Variants in DACH1 observed in about 807,000 individuals in gnomAD.
The protein encoded by DACH1 is dachshund family transcription factor 1.
DACH1 carries 12 observed loss-of-function variants against 54.2 expected under a neutral mutation model. The ratio of observed to expected loss-of-function variants is 0.22; its 90% CI spans 0.14 to 0.36. DACH1 has a LOEUF of 0.36. Ranked by LOEUF, DACH1 falls within the 10% of genes least tolerant of loss-of-function variation. The pLI is 1.00. For missense variants in DACH1, 805 were observed against 929.8 expected, an observed-to-expected ratio of 0.87 and a Z score of 1.75; for synonymous variants, 386 against 366.2, an observed-to-expected ratio of 1.05 and a Z score of -0.62.
intron 1 of DACH1, among the ~76,000 whole-genome samples, chr13:71,809,777 GA>G (rs1164371743): frequency 6.6e-6 from 1 of 152,116 alleles, no homozygotes; most frequent in Non-Finnish European, 1.5e-5. Flanking sequence ...AGGTAGAAAG[GA>G]TGCAATGGAT....
intron 3 of DACH1, among the ~76,000 whole-genome samples, 176 bp downstream of exon 3, chr13:71,630,380 T>C (rs1013534376): frequency 6.6e-6 from 1 of 152,192 alleles, no homozygotes; most frequent in Non-Finnish European, 1.5e-5. Context: ...TCCTTTAGAA[T>C]GAACAATTAT....
chr13:71,725,606 A>T (rs1883433338), intron 1 of DACH1, among the ~76,000 whole-genome samples: 1 of 152,114 alleles, frequency 6.6e-6, no homozygotes, highest in African/African-American at 2.4e-5. Flanking sequence ...TGTAGCATGT[A>T]TAAATTTTAC....
At chr13:71,725,357 T>C (rs1243838968) in intron 1 of DACH1, among the ~76,000 whole-genome samples, 3 of 152,144 alleles carry the variant, frequency 2.0e-5, no homozygotes, top group Admixed American at 6.6e-5. Context: ...TATCGAATTC[T>C]ACTTCTAAAA....
chr13:71,698,615 A>G (rs376771609), intron 1 of DACH1, among the ~76,000 whole-genome samples: 2 of 152,144 alleles, frequency 1.3e-5, no homozygotes, highest in East Asian at 3.8e-4. Context: ...TGTATACTAG[A>G]CTGAAATTAT....
intron 1 of DACH1, among the ~76,000 whole-genome samples, chr13:71,690,924 C>T (rs1051933717): frequency 3.0e-4 from 45 of 152,076 alleles, no homozygotes; most frequent in Admixed American, 2.6e-3. Flanking sequence ...TAAGTGAGAC[C>T]CCAAGTAGTA....
chr13:71,485,575 C>CTTTTTTTTTTTTT (rs68024614), intron 7 of DACH1, among the ~76,000 whole-genome samples: 211 of 46,118 alleles, frequency 4.6e-3, no homozygotes, highest in East Asian at 7.4e-3. Flanking sequence ...TTCTTTTCTT[C>CTTTTTTTTTTTTT]TTTTTTTTTT....
chr13:71,810,676 G>A (rs532534845), intron 1 of DACH1, among the ~76,000 whole-genome samples: 2 of 152,212 alleles, frequency 1.3e-5, no homozygotes, highest in African/African-American at 4.8e-5. Flanking sequence ...TAATCTTTTA[G>A]CACAATGATA....
chr13:71,822,527 A>C (rs1415915908), intron 1 of DACH1, among the ~76,000 whole-genome samples: 1 of 152,216 alleles, frequency 6.6e-6, no homozygotes, highest in Non-Finnish European at 1.5e-5. Context: ...CAAAAGTTGC[A>C]ATGAATGTGG....
intron 3 of DACH1, among the ~76,000 whole-genome samples, chr13:71,600,706 T>G (rs190673589): frequency 1.4e-3 from 211 of 152,114 alleles, no homozygotes; most frequent in African/African-American, 4.6e-3. Flanking sequence ...TTTCTAACAG[T>G]CAAAGTTATC....
At chr13:71,842,235 T>C (rs1412433476) in intron 1 of DACH1, among the ~76,000 whole-genome samples, 1 of 152,122 alleles carries the variant, frequency 6.6e-6, no homozygotes, top group African/African-American at 2.4e-5. Context: ...ATAAGGTAAG[T>C]GAACAAAAAA....
chr13:71,496,094 G>A (rs946471351), intron 6 of DACH1, among the ~76,000 whole-genome samples: 3 of 151,446 alleles, frequency 2.0e-5, no homozygotes, highest in African/African-American at 7.3e-5. Flanking sequence ...TTAGTTTGGT[G>A]TGGTAGCATG....
At chr13:71,456,858 T>C (rs2138129660) in intron 10 of DACH1, among the ~76,000 whole-genome samples, 1 of 152,190 alleles carries the variant, frequency 6.6e-6, no homozygotes, top group African/African-American at 2.4e-5. Context: ...CTGTAACAGC[T>C]CTATTTCTTT....
At chr13:71,854,605 T>C (rs185197186) in intron 1 of DACH1, among the ~76,000 whole-genome samples, 2 of 151,922 alleles carry the variant, frequency 1.3e-5, no homozygotes. Context: ...ACAAAAAAGG[T>C]CATAGAAACT....
intron 1 of DACH1, among the ~76,000 whole-genome samples, chr13:71,708,070 T>G (rs527967596): frequency 6.6e-6 from 1 of 151,814 alleles, no homozygotes; most frequent in South Asian, 2.1e-4. Flanking sequence ...CACTTAAGTT[T>G]TATAGCAAAA....
intron 3 of DACH1, among the ~76,000 whole-genome samples, chr13:71,583,478 T>C (rs546504708): frequency 6.6e-6 from 1 of 152,320 alleles, no homozygotes; most frequent in Admixed American, 6.5e-5. Context: ...TATCGTTATC[T>C]AGAAATAATA....
At chr13:71,724,907 T>C (rs554446081) in intron 1 of DACH1, among the ~76,000 whole-genome samples, 1 of 152,240 alleles carries the variant, frequency 6.6e-6, no homozygotes, top group East Asian at 1.9e-4. Flanking sequence ...CTTTATGTTA[T>C]AATGAATGTC....
chr13:71,786,393 G>A (rs374812023), intron 1 of DACH1, among the ~76,000 whole-genome samples: 2 of 152,048 alleles, frequency 1.3e-5, no homozygotes, highest in African/African-American at 2.4e-5. Flanking sequence ...TTGACATGGC[G>A]GCCACAGCTT....
intron 2 of DACH1, among the ~76,000 whole-genome samples, chr13:71,677,615 C>T (rs906260563): frequency 6.6e-6 from 1 of 151,850 alleles, no homozygotes; most frequent in Admixed American, 6.6e-5. Context: ...CCTAAGAAAA[C>T]AAATGCATCC....
chr13:71,541,531 T>G (rs1883126393), intron 6 of DACH1, among the ~76,000 whole-genome samples: 1 of 152,168 alleles, frequency 6.6e-6, no homozygotes, highest in South Asian at 2.1e-4. Context: ...ATAAAACTTT[T>G]TCTTTACAAG....
Sources: allele counts gnomAD v4.1 joint callset (sites outside exome capture counted in the v4.1 genomes callset), GRCh38; gene constraint gnomAD v4.1.1; transcripts MANE v1.5; gene names NCBI Gene and HGNC (gene_info 2026-07-23, HGNC 2026-07-21).